The following SPOP variants were observed in gnomAD, a reference collection of about 807,000 sequenced individuals.
The protein encoded by SPOP is speckle-type POZ protein.
A neutral mutation model predicts 45.6 loss-of-function variants in SPOP; 11 were observed. That is an observed-to-expected ratio of 0.24 (90% confidence interval 0.15 to 0.40). The LOEUF (loss-of-function observed/expected upper bound fraction) is 0.40, where lower values mean the gene tolerates loss of function less well. Among genes scored for constraint, SPOP ranks in the 10% least tolerant of loss-of-function variants. The pLI is 1.00. For synonymous variants in SPOP, 166 were observed against 166.3 expected (o/e 1.00, Z 0.01); for missense variants, 152 against 465.6 (o/e 0.33, Z 6.20).
At chr17:49,645,213 G>A (rs2072732735) in intron 1 of SPOP, among the ~76,000 whole-genome samples, 1 of 152,172 alleles carries the variant, frequency 6.6e-6, no homozygotes, top group Admixed American at 6.5e-5. Flanking sequence ...ATAGCTGATG[G>A]AAATTATACA....
At chr17:49,650,742 A>C (rs1417910599) in intron 1 of SPOP, among the ~76,000 whole-genome samples, 1 of 152,260 alleles carries the variant, frequency 6.6e-6, no homozygotes, top group Non-Finnish European at 1.5e-5. Flanking sequence ...ATTTTTCCAG[A>C]GTAAAAGACT....
chr17:49,637,828 A>G (rs188863613), intron 1 of SPOP, among the ~76,000 whole-genome samples: 8 of 152,360 alleles, frequency 5.3e-5, no homozygotes, highest in African/African-American at 1.9e-4. Flanking sequence ...CTATGGGTAA[A>G]TTACACCAAA....
At position 49,667,742 on chromosome 17, in the gene SPOP, C is replaced by G. The variant is rs531379310; in HGVS notation, c.-67+10191G>C. 2.6e-5 allele frequency among the ~76,000 whole-genome samples: 4 copies of G among 152,312 alleles called. No homozygotes were observed. In the East Asian group the frequency reaches 7.7e-4, roughly 29 times the overall value. ...AATTACATGATCCACAATTCCACTT[C>G]TGGGCATATACCCAAAAGAACTGAA... On this transcript the variant is annotated intron_variant, in intron 1 of 9. Transcript: ENST00000504102.
intron 5 of SPOP, among the ~76,000 whole-genome samples, chr17:49,613,248 TCA>T (rs1257500322): frequency 1.3e-5 from 2 of 149,456 alleles, no homozygotes; most frequent in Non-Finnish European, 3.0e-5. Context: ...TTGCCTGTTC[TCA>T]GTTATAGCTC....
rs2072174457 is a variant in SPOP, at chr17:49,619,529, C to A, written c.201-144G>T. 2.1e-6 allele frequency: 2 copies of A among 936,474 alleles called. No homozygotes were observed. The highest frequency in any genetic ancestry group is 3.6e-5 in the South Asian group (2 of 55,324). 58.0% of individuals were successfully genotyped at this position (936,474 alleles called of 1,614,324 possible). ...ATTCAGTAGAATGACTAGTTGGGAACAACTTTTTTCTCTTTTTTTTTGAGA... is the reference window on the plus strand; with the variant it reads ...ATTCAGTAGAATGACTAGTTGGGAAAAACTTTTTTCTCTTTTTTTTTGAGA... On this transcript the variant is annotated intron_variant, in intron 3 of 9. Transcript: ENST00000504102. The surrounding 1 kb of genome is among the most constrained non-coding windows in gnomAD (Gnocchi z 4.9).
intron 1 of SPOP, among the ~76,000 whole-genome samples, chr17:49,644,569 A>C (rs1022834517): frequency 6.6e-6 from 1 of 152,228 alleles, no homozygotes; most frequent in Non-Finnish European, 1.5e-5. Context: ...AAAACAATTT[A>C]AATATCCATC....
chr17:49,614,854 T>C (rs1178912075), intron 5 of SPOP, among the ~76,000 whole-genome samples: 1 of 150,294 alleles, frequency 6.7e-6, no homozygotes, highest in Non-Finnish European at 1.5e-5. Flanking sequence ...TATAAAACTA[T>C]TAGTTTAAAA....
At chr17:49,674,290 T>C (rs1318530221) in intron 1 of SPOP, among the ~76,000 whole-genome samples, 1 of 152,234 alleles carries the variant, frequency 6.6e-6, no homozygotes, top group Non-Finnish European at 1.5e-5. Flanking sequence ...TATTAGTTCT[T>C]CTTTAAATGT....
chr17:49,670,296 T>C (rs574449360), intron 1 of SPOP, among the ~76,000 whole-genome samples: 4 of 152,366 alleles, frequency 2.6e-5, no homozygotes, highest in East Asian at 3.9e-4. Context: ...CTAGGTCTTA[T>C]TGGCAAATGT....
chr17:49,663,112 C>T (rs575810414), intron 1 of SPOP, among the ~76,000 whole-genome samples: 1 of 152,234 alleles, frequency 6.6e-6, no homozygotes, highest in African/African-American at 2.4e-5. Flanking sequence ...ACCTTACCGA[C>T]CCATGGCCTG....
At chr17:49,657,355 T>C (rs2072926755) in intron 1 of SPOP, among the ~76,000 whole-genome samples, 1 of 152,130 alleles carries the variant, frequency 6.6e-6, no homozygotes, top group African/African-American at 2.4e-5. Flanking sequence ...AAGGAATCAA[T>C]ATGATTGATG....
At chr17:49,653,040 C>CA (rs1171998443) in intron 1 of SPOP, among the ~76,000 whole-genome samples, 3 of 152,172 alleles carry the variant, frequency 2.0e-5, no homozygotes, top group Non-Finnish European at 4.4e-5. Context: ...TTGCTATCCT[C>CA]AGGGCCTGAA....
chr17:49,629,239 C>A (rs77022498), intron 1 of SPOP, among the ~76,000 whole-genome samples: 13 of 144,720 alleles, frequency 9.0e-5, no homozygotes, highest in African/African-American at 3.3e-4. Context: ...GACTCTATCT[C>A]AAAAAAAAAA....
chr17:49,608,041 G>C (rs2071888231), intron 6 of SPOP, 112 bp from the exon 7 acceptor site: 1 of 775,058 alleles, frequency 1.3e-6, no homozygotes, highest in Non-Finnish European at 2.0e-6. Context: ...CTATAGGAAA[G>C]GTCTCTACCT....
At chr17:49,651,094 A>G (rs2072838173) in intron 1 of SPOP, among the ~76,000 whole-genome samples, 1 of 152,216 alleles carries the variant, frequency 6.6e-6, no homozygotes, top group Non-Finnish European at 1.5e-5. Flanking sequence ...TGTTGGGCTC[A>G]AGAATTTCAG....
At chr17:49,610,001 G>A (rs911759991) in intron 6 of SPOP, among the ~76,000 whole-genome samples, 7 of 152,160 alleles carry the variant, frequency 4.6e-5, no homozygotes, top group African/African-American at 7.2e-5. Flanking sequence ...AGAAGCAAGA[G>A]TTGAGGAAGT....
chr17:49,625,595 C>T (rs1165643822), intron 1 of SPOP, among the ~76,000 whole-genome samples: 1 of 151,868 alleles, frequency 6.6e-6, no homozygotes, highest in Non-Finnish European at 1.5e-5. Flanking sequence ...GCAACAAGAG[C>T]GAAGCTCCAT....
intron 1 of SPOP, among the ~76,000 whole-genome samples, chr17:49,660,809 C>T (rs1215438089): frequency 3.3e-5 from 5 of 152,054 alleles, no homozygotes; most frequent in African/African-American, 9.6e-5. Flanking sequence ...ATAAAAAATA[C>T]AAAAAAATTA....
chr17:49,661,560 C>T (rs893611112), intron 1 of SPOP, among the ~76,000 whole-genome samples: 1 of 152,170 alleles, frequency 6.6e-6, no homozygotes, highest in Non-Finnish European at 1.5e-5. Context: ...AGAACTCTTC[C>T]TCTTCTAAGC....
Sources: allele counts gnomAD v4.1 joint callset (sites outside exome capture counted in the v4.1 genomes callset), GRCh38; gene constraint gnomAD v4.1.1; non-coding constraint Gnocchi (gnomAD v3.1); transcripts MANE v1.5; gene names NCBI Gene and HGNC (gene_info 2026-07-23, HGNC 2026-07-21).